HIP1: variants seen among roughly 807,000 people sequenced by gnomAD.
HIP1 encodes huntingtin interacting protein 1.
A neutral mutation model predicts 147.6 loss-of-function variants in HIP1; 65 were observed. The observed-to-expected ratio is 0.44, with a 90% CI of 0.36 to 0.54. HIP1 has a LOEUF of 0.54. Ranked by LOEUF, HIP1 falls within the 20% of genes least tolerant of loss-of-function variation. HIP1 has a pLI of 0.00. For missense variants in HIP1, 1,061 were observed against 1,299.6 expected (o/e 0.82, Z 2.82); for synonymous variants, 479 against 504.0 (o/e 0.95, Z 0.67).
chr7:75,688,940 G>A (rs1185988500), intron 1 of HIP1, among the ~76,000 whole-genome samples: 7 of 152,202 alleles, frequency 4.6e-5, no homozygotes, highest in Non-Finnish European at 1.0e-4. Flanking sequence ...GCCACGCGCA[G>A]GACCCCTGTC....
chr7:75,555,348 AT>A, intron 19 of HIP1, 67 bp downstream of exon 19: 1 of 1,587,860 alleles, frequency 6.3e-7, no homozygotes. Flanking sequence ...CTCACATGAG[AT>A]TCAACATCAA....
At chr7:75,666,732 A>G (rs1799572017) in intron 1 of HIP1, among the ~76,000 whole-genome samples, 1 of 152,168 alleles carries the variant, frequency 6.6e-6, no homozygotes, top group Non-Finnish European at 1.5e-5. Context: ...GATGTGTTTC[A>G]GACACGGAAC....
Position 75,595,187 on chromosome 7 carries a change from C to CCTTTCTTT in HIP1, c.185-2681_185-2674dup, listed in dbSNP as rs587760351. On this transcript the variant is annotated intron_variant, in intron 2 of 30. Transcript: ENST00000336926. Reference sequence around the variant, plus strand: ...TAAAATCAGCTTTTGGTGTAGGAGTCCTTTCTTTCTTTCTTTCTTTCTTTC... The same window carrying CCTTTCTTT: ...TAAAATCAGCTTTTGGTGTAGGAGTCCTTTCTTTCTTTCTTTCTTTCTTTCTTTCTTTC... 7.8e-3 allele frequency among the ~76,000 whole-genome samples: 850 copies of CCTTTCTTT among 108,454 alleles called. 30 individuals are homozygous for CCTTTCTTT. The highest frequency in any genetic ancestry group is 0.028 in the Middle Eastern group (6 of 218). 71.2% of individuals were successfully genotyped at this position (108,454 alleles called of 152,430 possible).
intron 1 of HIP1, among the ~76,000 whole-genome samples, chr7:75,621,428 C>T (rs1797844514): frequency 2.0e-5 from 3 of 151,984 alleles, no homozygotes; most frequent in Admixed American, 1.3e-4. Context: ...TTGTTTTTTG[C>T]GGTTTTTGGT....
At chr7:75,723,796 C>T (rs1388833093) in intron 1 of HIP1, among the ~76,000 whole-genome samples, 2 of 152,132 alleles carry the variant, frequency 1.3e-5, no homozygotes, top group African/African-American at 2.4e-5. Context: ...TCCTTAATTA[C>T]ATTTGCAAAG....
chr7:75,673,616 C>T (rs1180043043), intron 1 of HIP1, among the ~76,000 whole-genome samples: 1 of 151,858 alleles, frequency 6.6e-6, no homozygotes, highest in Non-Finnish European at 1.5e-5. Flanking sequence ...GTATTTTATT[C>T]TTTTCTATTG....
chr7:75,570,294 CT>C (rs782607899), intron 8 of HIP1, among the ~76,000 whole-genome samples: 135 of 135,042 alleles, frequency 1.0e-3, no homozygotes, highest in Non-Finnish European at 1.0e-3. Context: ...TGACACGTTT[CT>C]TTTTTTTTTT....
chr7:75,701,424 C>G (rs1278390888), intron 1 of HIP1, among the ~76,000 whole-genome samples: 1 of 151,780 alleles, frequency 6.6e-6, no homozygotes, highest in African/African-American at 2.4e-5. Flanking sequence ...AAAACACTAC[C>G]AAATGCCAGT....
At chr7:75,681,578 C>T (rs973310450) in intron 1 of HIP1, among the ~76,000 whole-genome samples, 2 of 150,136 alleles carry the variant, frequency 1.3e-5, no homozygotes, top group African/African-American at 4.9e-5. Context: ...ACGACCACAG[C>T]TCACTGCAGC....
chr7:75,691,570 G>A (rs181891339), intron 1 of HIP1, among the ~76,000 whole-genome samples: 2 of 151,934 alleles, frequency 1.3e-5, no homozygotes, highest in African/African-American at 2.4e-5. Flanking sequence ...AGGCTGAGGC[G>A]GGTGGATTAC....
chr7:75,660,216 T>G (rs1584927985), intron 1 of HIP1, among the ~76,000 whole-genome samples: 1 of 138,932 alleles, frequency 7.2e-6, no homozygotes, highest in Admixed American at 7.5e-5. Flanking sequence ...CGATACGTGG[T>G]AAAAAAAAAA....
At chr7:75,716,701 T>C (rs546785080) in intron 1 of HIP1, among the ~76,000 whole-genome samples, 6 of 151,548 alleles carry the variant, frequency 4.0e-5, no homozygotes, top group African/African-American at 1.5e-4. Flanking sequence ...TTTGTATTTT[T>C]AGTAGAGACA....
chr7:75,559,173 G>GTGGTGC (rs782106959), intron 14 of HIP1, among the ~76,000 whole-genome samples: 5 of 152,200 alleles, frequency 3.3e-5, no homozygotes, highest in Admixed American at 6.5e-5. Flanking sequence ...CCGGAGTGCA[G>GTGGTGC]TGGTGCAATC....
At chr7:75,621,170 G>A (rs1192125871) in intron 1 of HIP1, among the ~76,000 whole-genome samples, 1 of 152,170 alleles carries the variant, frequency 6.6e-6, no homozygotes, top group Admixed American at 6.5e-5. Context: ...TAGGGCCACT[G>A]CACTCTAGCC....
intron 9 of HIP1, among the ~76,000 whole-genome samples, chr7:75,566,513 T>C (rs1315864249): frequency 2.0e-5 from 3 of 151,576 alleles, no homozygotes; most frequent in Non-Finnish European, 4.4e-5. Context: ...AAATTCCAGA[T>C]TGTCAGGTTA....
chr7:75,718,056 G>T (rs1027414878), intron 1 of HIP1, among the ~76,000 whole-genome samples: 1 of 151,888 alleles, frequency 6.6e-6, no homozygotes, highest in Admixed American at 6.6e-5. Context: ...GCTGATGTAG[G>T]AGGACTGCTT....
intron 29 of HIP1, 29 bp from the exon 30 acceptor site, chr7:75,539,460 C>T (rs1554489450): frequency 2.0e-6 from 3 of 1,514,760 alleles, no homozygotes; most frequent in Non-Finnish European, 1.8e-6. Flanking sequence ...GGGATTTTCT[C>T]TTAATCATCT....
chr7:75,663,195 T>A (rs1181395666), intron 1 of HIP1, among the ~76,000 whole-genome samples: 1 of 152,182 alleles, frequency 6.6e-6, no homozygotes, highest in African/African-American at 2.4e-5. Context: ...GAATCAGCTG[T>A]GCACCAGGTG....
At chr7:75,552,122 C>T (rs1051132619) in intron 22 of HIP1, among the ~76,000 whole-genome samples, 37 of 152,262 alleles carry the variant, frequency 2.4e-4, no homozygotes, top group African/African-American at 7.9e-4. Flanking sequence ...AACTCCTGAC[C>T]TCAGGTGATC....
Sources: allele counts gnomAD v4.1 joint callset (sites outside exome capture counted in the v4.1 genomes callset), GRCh38; gene constraint gnomAD v4.1.1; transcripts MANE v1.5; gene names NCBI Gene and HGNC (gene_info 2026-07-23, HGNC 2026-07-21).